The following FOXN3 variants were observed in gnomAD, a reference collection of about 807,000 sequenced individuals.
FOXN3 encodes the protein forkhead box protein N3.
A neutral mutation model predicts 38.4 loss-of-function variants in FOXN3; 7 were observed. The ratio of observed to expected loss-of-function variants is 0.18; its 90% CI spans 0.10 to 0.34. FOXN3 has a LOEUF of 0.34. Among genes scored for constraint, FOXN3 ranks in the 10% least tolerant of loss-of-function variants. The pLI is 1.00. For missense variants in FOXN3, 456 were observed against 613.4 expected (o/e 0.74, Z 2.71); for synonymous variants, 230 against 242.2 (o/e 0.95, Z 0.47).
intron 2 of FOXN3, among the ~76,000 whole-genome samples, chr14:89,410,734 G>A (rs1214437569): frequency 6.6e-6 from 1 of 152,008 alleles, no homozygotes; most frequent in Non-Finnish European, 1.5e-5. Flanking sequence ...TTAGCAGGGT[G>A]TAGTGGCACA....
At chr14:89,568,933 G>A (rs918020378) in intron 1 of FOXN3, among the ~76,000 whole-genome samples, 9 of 152,206 alleles carry the variant, frequency 5.9e-5, no homozygotes, top group Admixed American at 2.0e-4. Flanking sequence ...GGCCGGGCAC[G>A]GTGGCTCACG....
chr14:89,346,289 C>T (rs1368366729), intron 3 of FOXN3, among the ~76,000 whole-genome samples: 1 of 152,174 alleles, frequency 6.6e-6, no homozygotes, highest in African/African-American at 2.4e-5. Flanking sequence ...ACAGTTAATT[C>T]ATATTTTGCA....
chr14:89,576,207 G>A (rs1171658481), intron 1 of FOXN3: 1 of 152,198 alleles, frequency 6.6e-6, no homozygotes, highest in African/African-American at 2.4e-5. Flanking sequence ...AGTGCATTTA[G>A]ACCACTTTAT....
intron 1 of FOXN3, among the ~76,000 whole-genome samples, chr14:89,465,367 C>T (rs760900862): frequency 7.2e-5 from 11 of 152,226 alleles, no homozygotes; most frequent in Admixed American, 2.0e-4. Flanking sequence ...GTAGCTGGGA[C>T]TACAGGCACC....
chr14:89,471,824 AC>A (rs150402885), intron 1 of FOXN3, among the ~76,000 whole-genome samples: 2,871 of 152,236 alleles, frequency 0.019, 81 homozygotes, highest in African/African-American at 0.066. Context: ...AGGAACCAGC[AC>A]CTGGTTCGTC....
intron 3 of FOXN3, among the ~76,000 whole-genome samples, chr14:89,337,932 A>G (rs3825669): frequency 0.7 from 106,685 of 152,114 alleles, 39,657 homozygotes; most frequent in East Asian, 0.84. Context: ...GCCCAGCCAC[A>G]TTTACATTTT....
rs528468098 is a variant in FOXN3, at chr14:89,291,142, C to T, written c.681-10128G>A. The T allele has an allele frequency of 5.9e-5, 30 of 508,010 alleles. 1 individual carries two copies. The highest frequency in any genetic ancestry group is 3.5e-4 in the South Asian group (24 of 69,132). 31.5% of individuals were successfully genotyped at this position (508,010 alleles called of 1,614,324 possible). ...TAAAAGGTGGCAGCATCACACATCT[C>T]GTTGACGTAAGTACCCAAGTTGGGG... On this transcript the variant is annotated intron_variant, in intron 3 of 5. Coordinates refer to ENST00000557258, the MANE Select transcript of FOXN3 (RefSeq NM_005197.4).
intron 1 of FOXN3, among the ~76,000 whole-genome samples, chr14:89,467,550 C>T (rs1372837468): frequency 2.7e-5 from 4 of 148,826 alleles, no homozygotes; most frequent in Non-Finnish European, 5.9e-5. Flanking sequence ...TAAACATGCC[C>T]TTTAAAAAAA....
chr14:89,201,593 G>A (rs1215885271), intron 4 of FOXN3, among the ~76,000 whole-genome samples: 3 of 152,176 alleles, frequency 2.0e-5, no homozygotes, highest in African/African-American at 7.2e-5. Context: ...CCAGAGGTGG[G>A]ACCAGGAAGC....
chr14:89,511,146 TTTCTTTCTTTCTTTCTTTC>T lies in FOXN3; in HGVS notation c.-14-98675_-14-98657del, dbSNP rs1566680811. On this transcript the variant is annotated intron_variant, in intron 1 of 6. Transcript: ENST00000345097. ...TGTCTTTCTTTCTTTCTTTCTTTTC[TTTCTTTCTTTCTTTCTTTC>T]TTTCTTTCTTTCTTTCTTTCTTTCT... Among the ~76,000 whole-genome samples the T allele has an allele frequency of 9.2e-5, 4 of 43,634 alleles. 1 individual carries two copies. The highest frequency in any genetic ancestry group is 2.0e-4 in the Non-Finnish European group (4 of 19,974). The allele number at this position is 43,634 out of a possible 152,430, so 28.6% of individuals were successfully genotyped here.
intron 1 of FOXN3, among the ~76,000 whole-genome samples, chr14:89,514,920 T>G (rs1428768519): frequency 6.6e-6 from 1 of 151,912 alleles, no homozygotes; most frequent in South Asian, 2.1e-4. Context: ...GAATGCTCCA[T>G]TTCCTTTTTT....
At position 89,289,002 on chromosome 14, in the gene FOXN3, C is replaced by T. The variant is rs528357494; in HGVS notation, c.681-7988G>A. Among the ~76,000 whole-genome samples the T allele has an allele frequency of 6.8e-3, 1,029 of 150,842 alleles. 6 individuals carry two copies. The highest frequency in any genetic ancestry group is 0.011 in the Non-Finnish European group (728 of 67,718). ...TTCGAGACCAGCCTGACCAACATGG[C>T]GAAATCCTGTCTGTACTAAAAATAC... is the stretch of plus-strand genomic sequence containing the variant. On this transcript the variant is annotated intron_variant, in intron 3 of 5. Transcript: ENST00000557258.
At chr14:89,460,062 G>A (rs998670032) in intron 1 of FOXN3, among the ~76,000 whole-genome samples, 76 of 152,274 alleles carry the variant, frequency 5.0e-4, no homozygotes, top group African/African-American at 1.7e-3. Context: ...GGAGTTCACC[G>A]TTCACTTTCT....
chr14:89,493,285 G>T (rs1385493291), intron 1 of FOXN3, among the ~76,000 whole-genome samples: 1 of 152,108 alleles, frequency 6.6e-6, no homozygotes, highest in East Asian at 1.9e-4. Flanking sequence ...AGTGTAAATT[G>T]CACTACAACA....
chr14:89,508,768 G>T (rs568692192), intron 1 of FOXN3, among the ~76,000 whole-genome samples: 2 of 152,260 alleles, frequency 1.3e-5, no homozygotes, highest in East Asian at 3.9e-4. Context: ...CAGGTGTGTG[G>T]TAGGGCTGAG....
chr14:89,306,267 A>C (rs934260766), intron 3 of FOXN3, among the ~76,000 whole-genome samples: 1 of 151,834 alleles, frequency 6.6e-6, no homozygotes, highest in African/African-American at 2.4e-5. Flanking sequence ...CTTCATCCCC[A>C]AGAGGGGAGC....
At chr14:89,246,542 CTTT>C (rs755916666) in intron 4 of FOXN3, among the ~76,000 whole-genome samples, 5 of 83,984 alleles carry the variant, frequency 6.0e-5, no homozygotes, top group Admixed American at 1.7e-4. Context: ...CAGGATGCGG[CTTT>C]TTTTTTTTTT....
intron 2 of FOXN3, 62 bp from the exon 3 acceptor site, chr14:89,350,870 T>C: frequency 5.7e-6 from 7 of 1,218,258 alleles, no homozygotes; most frequent in Non-Finnish European, 7.7e-6. Flanking sequence ...TTGCAATAAG[T>C]AGATGTATAG....
At chr14:89,204,878 T>C (rs1426476231) in intron 4 of FOXN3, among the ~76,000 whole-genome samples, 1 of 149,212 alleles carries the variant, frequency 6.7e-6, no homozygotes, top group Non-Finnish European at 1.5e-5. Context: ...GAACAAAAGA[T>C]ATCGTTATGC....
Sources: gnomAD v4.1 joint callset for allele counts (sites outside exome capture counted in the v4.1 genomes callset) on GRCh38, gnomAD v4.1.1 for gene constraint, MANE v1.5 for transcripts, NCBI Gene and HGNC (gene_info 2026-07-23, HGNC 2026-07-21) for gene names.